Variants in NID2 observed in about 807,000 individuals in gnomAD.
NID2 encodes nidogen-2.
A neutral mutation model predicts 145.4 loss-of-function variants in NID2; 83 were observed. That is an observed-to-expected ratio of 0.57 (90% CI 0.48 to 0.69). The LOEUF (loss-of-function observed/expected upper bound fraction) is 0.69. Among genes scored for constraint, NID2 ranks in the 30% least tolerant of loss-of-function variants. NID2 has a pLI of 0.00. For synonymous variants in NID2, 739 were observed against 701.3 expected, an observed-to-expected ratio of 1.05 and a Z score of -0.85; for missense variants, 1,807 against 1,765.7, an observed-to-expected ratio of 1.02 and a Z score of -0.42.
rs1566755743 is a variant in NID2 at position 52,030,585 on chromosome 14, A to AGAACGAACGAACGGAAGGAAGG, written c.2258-896_2258-895insCCTTCCTTCCGTTCGTTCGTTC. Among the ~76,000 whole-genome samples, 165 of 40,492 alleles carry AGAACGAACGAACGGAAGGAAGG rather than the reference A, an allele frequency of 4.1e-3. 6 individuals carry two copies. Among genetic ancestry groups the AGAACGAACGAACGGAAGGAAGG allele is most frequent in the African/African-American group, 0.016 (156 of 9,638 alleles). The allele number at this position is 40,492 out of a possible 152,430, so 26.6% of individuals were successfully genotyped here. A position where few individuals can be genotyped will look rare whatever the true frequency, so the allele number is the denominator to read the frequency against. On this transcript the variant is annotated intron_variant, in intron 9 of 21. Coordinates refer to ENST00000216286, the MANE Select transcript of NID2 (RefSeq NM_007361.4). The stretch of plus-strand genomic sequence containing the variant: ...GAAAGAAAGGAAGGAAGGGAAAGAA[A>AGAACGAACGAACGGAAGGAAGG]GAAAGAAAGAAAGAAAGAAAGAGAA...
intron 12 of NID2, among the ~76,000 whole-genome samples, chr14:52,024,752 A>G (rs1497078): frequency 0.049 from 7,414 of 152,270 alleles, 248 homozygotes; most frequent in Non-Finnish European, 0.071. Flanking sequence ...GAAATAAAAT[A>G]GGGACAATTG....
At position 52,042,318 on chromosome 14, in the gene NID2, C is replaced by T; in HGVS notation, c.1612G>A (p.Gly538Ser). The change falls in exon 7 of 22, where the codon GGC (glycine) becomes AGC (serine). Residue 538 changes from glycine (G) to serine (S), a missense_variant. By Grantham distance (56) the Gly-to-Ser change is moderately conservative. Coordinates refer to ENST00000216286, the MANE Select transcript of NID2 (RefSeq NM_007361.4). ...APHRVNGKVS[G>S]HLHVGHTPVH... ...GGTGTATGGCCCACGTGGAGGTGGC[C>T]ACTCACTTTCCCATTCACTCGGTGA... 6.2e-7 allele frequency: 1 copy of T among 1,613,008 alleles called. No homozygotes were observed.
chr14:52,068,679 G>A, intron 1 of NID2, 88 bp downstream of exon 1: 1 of 1,235,170 alleles, frequency 8.1e-7, no homozygotes. Context: ...AGTGGGGTCT[G>A]TTTCCTCCCC....
At chr14:52,033,111 A>C (rs1357979274) in intron 9 of NID2, among the ~76,000 whole-genome samples, 2 of 152,210 alleles carry the variant, frequency 1.3e-5, no homozygotes. Context: ...ATTCTCTATG[A>C]CTTGTAAGCT....
intron 15 of NID2, 128 bp downstream of exon 15, chr14:52,014,926 T>A (rs1442854005): frequency 6.6e-6 from 5 of 762,514 alleles, no homozygotes; most frequent in Non-Finnish European, 1.1e-5. Context: ...TAAATCAACA[T>A]AGCACATAGT....
chr14:52,011,806 G>C, intron 16 of NID2, 123 bp from the exon 17 acceptor site: 1 of 1,186,818 alleles, frequency 8.4e-7, no homozygotes, highest in Non-Finnish European at 1.2e-6. Context: ...GCAGGCAACA[G>C]AGCAGAGTAG....
At position 52,014,366 on chromosome 14, in the gene NID2, T is replaced by C; in HGVS notation, c.3341A>G (p.Gln1114Arg). The C allele has an allele frequency of 6.2e-7, 1 of 1,614,152 alleles. No homozygotes were observed. Among genetic ancestry groups the C allele is most frequent in the Non-Finnish European group, 8.5e-7 (1 of 1,180,032 alleles). Residue 1114 changes from glutamine to arginine, a missense_variant, in exon 16 of 22, where the codon CAG becomes CGG. Coordinates refer to ENST00000216286, the MANE Select transcript of NID2 (RefSeq NM_007361.4). Reference sequence around the variant, plus strand: ...GGGTAAGTAGCCAATCTGCTGGCCCTGAGTATAGAGCAGGAAGGTGCCCAC... The same window carrying C: ...GGGTAAGTAGCCAATCTGCTGGCCCCGAGTATAGAGCAGGAAGGTGCCCAC... Reference protein sequence around the residue: ...PSVGTFLLYTQGQQIGYLPLN... With the variant: ...PSVGTFLLYTRGQQIGYLPLN...
rs1396495557 is a variant in NID2, at chr14:52,042,283, G to C, written c.1647C>G (p.Phe549Leu). The C allele has an allele frequency of 3.1e-6, 5 of 1,614,222 alleles. No individual in the cohort carries two copies. The highest frequency in any genetic ancestry group is 4.2e-6 in the Non-Finnish European group (5 of 1,180,038). The change falls in exon 7 of 22, where the codon TTC becomes TTG. Residue 549 changes from phenylalanine (F) to leucine (L), a missense_variant. Phe to Leu is a conservative substitution (Grantham distance 22, BLOSUM62 0). Coordinates refer to ENST00000216286, the MANE Select transcript of NID2 (RefSeq NM_007361.4). Reference protein sequence around the residue: ...HLHVGHTPVHFTDVDLHAYIV... With the variant: ...HLHVGHTPVHLTDVDLHAYIV... ...TATACGCATGCAGGTCCACATCAGT[G>C]AAGTGCACGGGTGTATGGCCCACGT...
chr14:52,013,129 T>A (rs952637084), intron 16 of NID2, among the ~76,000 whole-genome samples: 1 of 152,244 alleles, frequency 6.6e-6, no homozygotes, highest in Non-Finnish European at 1.5e-5. Context: ...ACCCATGTCA[T>A]AACCTCAGGT....
intron 16 of NID2, 71 bp downstream of exon 16, chr14:52,014,216 C>T: frequency 6.3e-7 from 1 of 1,598,602 alleles, no homozygotes; most frequent in Non-Finnish European, 8.6e-7. Flanking sequence ...CTCACTGCAA[C>T]AGGGCCTGTG....
chr14:52,005,892 C>G, intron 20 of NID2, 43 bp from the exon 21 acceptor site: 2 of 1,426,016 alleles, frequency 1.4e-6, no homozygotes, highest in Non-Finnish European at 2.0e-6. Context: ...CAGTCATTTA[C>G]TAGATAAAGA....
intron 17 of NID2, 47 bp from the exon 18 acceptor site, chr14:52,011,094 G>A (rs752137629): frequency 2.1e-5 from 33 of 1,588,798 alleles, no homozygotes; most frequent in Admixed American, 5.0e-5. Context: ...AGGATATGGA[G>A]GGCAAACCTG....
chr14:52,054,204 G>C lies in NID2; in HGVS notation c.885C>G (p.Pro295=). Residue 295 remains proline, a synonymous_variant, in exon 4 of 22, where the codon CCC becomes CCG. Coordinates refer to ENST00000216286, the MANE Select transcript of NID2 (RefSeq NM_007361.4). ...TAGCATGGCTGAAGGAACGTCCCAG[G>C]GGAACAGAAGAGTGGGCAGCGGAAA... is the stretch of plus-strand genomic sequence containing the variant. The part of the protein sequence containing the change: ...GDLSAAHSSV[P]LGRSFSHATA... 1.2e-6 allele frequency: 2 copies of C among 1,614,160 alleles called. No homozygotes were observed. The highest frequency in any genetic ancestry group is 1.7e-6 in the Non-Finnish European group (2 of 1,180,030).
At chr14:52,009,539 A>C (rs372527699) in intron 18 of NID2, 3 of 152,150 alleles carry the variant, frequency 2.0e-5, no homozygotes, top group African/African-American at 7.2e-5. Flanking sequence ...TAGCATTTAT[A>C]TTTGCTGTCT....
At position 52,011,593 on chromosome 14, in the gene NID2, G is replaced by A; in HGVS notation, c.3511C>T (p.Leu1171=). 1 of 1,614,180 alleles carries A rather than the reference G, an allele frequency of 6.2e-7. No individual in the cohort carries two copies. Among genetic ancestry groups the A allele is most frequent in the South Asian group, 1.1e-5 (1 of 91,078 alleles). ...GTCTCAGGCTCTGCTCCCAGTTCCA[G>A]ACCAGCACGGCTGATTGTCCGTCCA... ...VAGRTISRAG[L]ELGAEPETIV... is the part of the protein sequence containing the mutation. Residue 1171 remains leucine (L), a synonymous_variant, in exon 17 of 22, where the codon CTG becomes TTG. Coordinates refer to ENST00000216286, the MANE Select transcript of NID2 (RefSeq NM_007361.4).
chr14:52,011,479 G>A, intron 17 of NID2, 75 bp downstream of exon 17: 1 of 1,587,998 alleles, frequency 6.3e-7, no homozygotes, highest in Non-Finnish European at 8.6e-7. Context: ...AAATCGAGGG[G>A]AGACTTCGGC....
intron 5 of NID2, among the ~76,000 whole-genome samples, chr14:52,045,362 G>T (rs1293039047): frequency 6.6e-6 from 1 of 152,098 alleles, no homozygotes; most frequent in Non-Finnish European, 1.5e-5. Context: ...GACAGTGTAG[G>T]TTCAAGTGGA....
In NID2 at chr14:52,011,657, G is replaced by A. The variant is rs756293649; in HGVS notation, c.3447C>T (p.Tyr1149=). Residue 1149 remains tyrosine (Y), a synonymous_variant, in exon 17 of 22, where the codon TAC becomes TAT. Coordinates refer to ENST00000216286, the MANE Select transcript of NID2 (RefSeq NM_007361.4). ...AGTACACCATCCTCTCCCGGCAGTC[G>A]TAATCAATTCCCACGATTATGGAGC... The part of the protein sequence containing the change: ...LHGSIIVGID[Y]DCRERMVYWT... The A allele has an allele frequency of 2.4e-5, 39 of 1,614,084 alleles. No homozygotes were observed. The highest frequency in any genetic ancestry group is 2.2e-4 in the East Asian group (10 of 44,886).
intron 2 of NID2, among the ~76,000 whole-genome samples, chr14:52,063,692 T>C (rs1318819127): frequency 6.6e-6 from 1 of 152,208 alleles, no homozygotes; most frequent in East Asian, 1.9e-4. Context: ...CTCTTTGTCA[T>C]CTTCCTCAGG....
Sources: gnomAD v4.1 joint callset for allele counts (sites outside exome capture counted in the v4.1 genomes callset) on GRCh38, gnomAD v4.1.1 for gene constraint, MANE v1.5 for transcripts, NCBI Gene and HGNC (gene_info 2026-07-23, HGNC 2026-07-21) for gene names.